ARL15: variants seen among roughly 807,000 people sequenced by gnomAD.
The protein encoded by ARL15 is ARF like GTPase 15.
A neutral mutation model predicts 25.2 loss-of-function variants in ARL15; 19 were observed. The ratio of observed to expected loss-of-function variants is 0.75; its 90% confidence interval spans 0.53 to 1.10. The LOEUF (loss-of-function observed/expected upper bound fraction) is 1.10. Ranked by LOEUF, ARL15 falls within the 50% of genes least tolerant of loss-of-function variation. The pLI is 0.00. For synonymous variants in ARL15, 94 were observed against 86.8 expected, an observed-to-expected ratio of 1.08 and a Z score of -0.46; for missense variants, 220 against 246.0, an observed-to-expected ratio of 0.89 and a Z score of 0.71.
rs1266553799 is a variant in ARL15, at chr5:54,171,930, T to C, written c.49-2A>G. 3 of 1,605,884 alleles carry C rather than the reference T, an allele frequency of 1.9e-6. No individual in the cohort carries two copies. The highest frequency in any genetic ancestry group is 1.3e-5 in the African/African-American group (1 of 74,710). The stretch of plus-strand genomic sequence containing the variant: ...CTTGCAGCAAAGTGCTCTAAAACAC[T>C]GCCAAAAGAAGGGGAAAAAAATGTT... On this transcript the variant is annotated splice_acceptor_variant, in intron 1 of 4. Transcript: ENST00000504924. LOFTEE classifies it high-confidence loss of function.
At chr5:54,276,543 C>T (rs879526562) in intron 1 of ARL15, among the ~76,000 whole-genome samples, 1 of 152,214 alleles carries the variant, frequency 6.6e-6, no homozygotes, top group Non-Finnish European at 1.5e-5. Flanking sequence ...TAAGATCGTA[C>T]TAAGGTGCTT....
At chr5:54,192,095 T>C (rs988287342) in intron 1 of ARL15, among the ~76,000 whole-genome samples, 1 of 152,142 alleles carries the variant, frequency 6.6e-6, no homozygotes, top group Non-Finnish European at 1.5e-5. Context: ...CTTCAGGACC[T>C]TTGCACTTGC....
chr5:54,028,891 A>G (rs1749874253), intron 4 of ARL15, among the ~76,000 whole-genome samples: 1 of 152,142 alleles, frequency 6.6e-6, no homozygotes, highest in Non-Finnish European at 1.5e-5. Context: ...GTATGGTGGT[A>G]TGCGCCTATA....
intron 1 of ARL15, among the ~76,000 whole-genome samples, chr5:54,277,209 A>G (rs1033124385): frequency 7.2e-5 from 11 of 152,128 alleles, no homozygotes; most frequent in African/African-American, 2.7e-4. Flanking sequence ...TACCAATAGT[A>G]ACATACAATT....
At chr5:54,299,627 G>C (rs1055018780) in intron 1 of ARL15, among the ~76,000 whole-genome samples, 1 of 110,618 alleles carries the variant, frequency 9.0e-6, no homozygotes, top group African/African-American at 3.6e-5. Context: ...GTCTCGCTCT[G>C]TCGCCAGGCT....
In ARL15 at chr5:54,296,965, G is replaced by T. The variant is rs370745554; in HGVS notation, c.48+13467C>A. ...AGTGTGAGATGGGCTTATTGGAAAG[G>T]AGGCACAGAGCAGTGTACAGTAAGG... On this transcript the variant is annotated intron_variant, in intron 1 of 4. Transcript: ENST00000504924. Among the ~76,000 whole-genome samples the T allele has an allele frequency of 3.3e-5, 5 of 152,212 alleles. No individual in the cohort carries two copies. The East Asian group carries it at 7.7e-4, about 23-fold the overall frequency.
chr5:53,944,821 G>T (rs992971983), intron 4 of ARL15, among the ~76,000 whole-genome samples: 6 of 152,154 alleles, frequency 3.9e-5, no homozygotes, highest in Non-Finnish European at 7.3e-5. Flanking sequence ...GCCTAGCAAA[G>T]TGTCTGGCAC....
intron 1 of ARL15, among the ~76,000 whole-genome samples, chr5:54,245,595 CT>C (rs1374663042): frequency 4.7e-5 from 7 of 148,292 alleles, no homozygotes; most frequent in Admixed American, 1.3e-4. Context: ...ATGGGGACTT[CT>C]TTTTTTTTTG....
chr5:54,193,783 A>G (rs1387034359), intron 1 of ARL15, among the ~76,000 whole-genome samples: 3 of 150,392 alleles, frequency 2.0e-5, no homozygotes, highest in African/African-American at 7.4e-5. Flanking sequence ...TGCCTAGCAC[A>G]TCATAGGTGC....
At chr5:54,181,699 C>A (rs1022566317) in intron 1 of ARL15, among the ~76,000 whole-genome samples, 33 of 152,136 alleles carry the variant, frequency 2.2e-4, no homozygotes, top group Non-Finnish European at 4.1e-4. Context: ...TTTAGGAGGT[C>A]AACGGAGGAG....
At chr5:54,209,303 T>C (rs1378186915) in intron 1 of ARL15, among the ~76,000 whole-genome samples, 1 of 149,834 alleles carries the variant, frequency 6.7e-6, no homozygotes, top group Non-Finnish European at 1.5e-5. Context: ...GTACATTAAC[T>C]AGAATGATGG....
At chr5:54,000,719 C>T (rs546621435) in intron 4 of ARL15, among the ~76,000 whole-genome samples, 1 of 151,980 alleles carries the variant, frequency 6.6e-6, no homozygotes, top group African/African-American at 2.4e-5. Flanking sequence ...TAATTCCTAA[C>T]CAAAAAAAGG....
At chr5:54,281,133 T>C (rs190287206) in intron 1 of ARL15, among the ~76,000 whole-genome samples, 5 of 152,240 alleles carry the variant, frequency 3.3e-5, no homozygotes, top group African/African-American at 1.2e-4. Flanking sequence ...ACCCAGAATA[T>C]TACTATAACT....
intron 1 of ARL15, among the ~76,000 whole-genome samples, chr5:54,187,572 T>G (rs27664): frequency 0.63 from 96,268 of 152,108 alleles, 30,993 homozygotes; most frequent in East Asian, 0.98. Context: ...CCAAGGCAGG[T>G]GACAGGATGA....
At chr5:54,210,368 C>T (rs1407067445) in intron 1 of ARL15, among the ~76,000 whole-genome samples, 10 of 151,946 alleles carry the variant, frequency 6.6e-5, no homozygotes, top group Admixed American at 2.0e-4. Flanking sequence ...TACTATAATC[C>T]ACTCACTTTC....
At chr5:54,069,602 C>T (rs1579762322) in intron 4 of ARL15, among the ~76,000 whole-genome samples, 1 of 134,876 alleles carries the variant, frequency 7.4e-6, no homozygotes, top group South Asian at 2.5e-4. Flanking sequence ...AAAACCAAAA[C>T]TTAATCCCAA....
intron 4 of ARL15, among the ~76,000 whole-genome samples, chr5:54,044,371 G>A (rs1167075906): frequency 1.3e-5 from 2 of 150,638 alleles, no homozygotes; most frequent in African/African-American, 4.9e-5. Context: ...AGCCTCCCAA[G>A]TAGCTAGGAT....
At chr5:54,299,746 C>T (rs902638550) in intron 1 of ARL15, among the ~76,000 whole-genome samples, 5 of 151,868 alleles carry the variant, frequency 3.3e-5, no homozygotes, top group African/African-American at 9.7e-5. Flanking sequence ...TGCACCACTA[C>T]GCCTGGCTAA....
chr5:54,175,429 G>T (rs1754839940), intron 1 of ARL15, among the ~76,000 whole-genome samples: 4 of 151,842 alleles, frequency 2.6e-5, no homozygotes, highest in Admixed American at 2.6e-4. Context: ...CCACCTCCCG[G>T]GTTCAAGTGA....
Sources: gnomAD v4.1 joint callset for allele counts (sites outside exome capture counted in the v4.1 genomes callset) on GRCh38, gnomAD v4.1.1 for gene constraint, MANE v1.5 for transcripts, NCBI Gene and HGNC (gene_info 2026-07-23, HGNC 2026-07-21) for gene names.